Variants in PALM2AKAP2 observed in about 807,000 individuals in gnomAD.
PALM2AKAP2 encodes PALM2 and AKAP2 fusion.
Under a neutral mutation model 71.5 loss-of-function variants are expected in PALM2AKAP2, and 37 were observed. The observed-to-expected ratio is 0.52, with a 90% CI of 0.40 to 0.68. PALM2AKAP2 has a LOEUF of 0.68. Ranked by LOEUF, PALM2AKAP2 falls within the 30% of genes least tolerant of loss-of-function variation. The probability of loss-of-function intolerance (pLI) is 0.00; values close to 1 mark genes in which losing one functional copy is unlikely to be tolerated. For synonymous variants in PALM2AKAP2, 468 were observed against 478.8 expected (o/e 0.98, Z 0.29); for missense variants, 1,224 against 1,191.8 (o/e 1.03, Z -0.40).
At chr9:110,122,459 TG>T (rs1340046204) in intron 1 of PALM2AKAP2, among the ~76,000 whole-genome samples, 1 of 152,358 alleles carries the variant, frequency 6.6e-6, no homozygotes, top group East Asian at 1.9e-4. Context: ...GCCAGAGCTC[TG>T]TTCCTAACCA....
intron 6 of PALM2AKAP2, chr9:109,942,731 G>A: frequency 6.2e-7 from 1 of 1,609,882 alleles, no homozygotes; most frequent in Non-Finnish European, 8.5e-7. Flanking sequence ...AAACAAACAG[G>A]AGAGACCAAG....
chr9:110,164,957 G>T (rs1305055317), intron 3 of PALM2AKAP2, among the ~76,000 whole-genome samples: 2 of 152,136 alleles, frequency 1.3e-5, no homozygotes, highest in African/African-American at 4.8e-5. Context: ...CAGATAGTCT[G>T]GTGGCCTCAA....
intron 2 of PALM2AKAP2, among the ~76,000 whole-genome samples, chr9:109,873,662 G>A (rs868167635): frequency 1.3e-5 from 2 of 152,132 alleles, no homozygotes; most frequent in Admixed American, 1.3e-4. Context: ...TCTTATCTAT[G>A]TATGACATCA....
chr9:109,806,089 A>G (rs1029391579), intron 1 of PALM2AKAP2, among the ~76,000 whole-genome samples: 1 of 152,184 alleles, frequency 6.6e-6, no homozygotes, highest in Admixed American at 6.5e-5. Context: ...ACATGACTTT[A>G]TTATTTTTCC....
chr9:110,101,571 A>T (rs1182685403), intron 1 of PALM2AKAP2, among the ~76,000 whole-genome samples: 1 of 152,196 alleles, frequency 6.6e-6, no homozygotes, highest in African/African-American at 2.4e-5. Flanking sequence ...ATCTCCATGG[A>T]TAACCCAGGC....
At chr9:110,016,886 T>C (rs1361536397) in intron 7 of PALM2AKAP2, among the ~76,000 whole-genome samples, 1 of 152,226 alleles carries the variant, frequency 6.6e-6, no homozygotes, top group Non-Finnish European at 1.5e-5. Context: ...CTGGAGATAT[T>C]TCTTTTTTTT....
intron 1 of PALM2AKAP2, among the ~76,000 whole-genome samples, chr9:109,658,489 CAT>C (rs995955956): frequency 1.1e-4 from 17 of 152,270 alleles, no homozygotes; most frequent in African/African-American, 3.6e-4. Flanking sequence ...GAGTTTAGCA[CAT>C]GAGTGTCCGT....
intron 1 of PALM2AKAP2, among the ~76,000 whole-genome samples, chr9:109,743,397 A>G (rs1828748442): frequency 6.6e-6 from 1 of 152,158 alleles, no homozygotes; most frequent in African/African-American, 2.4e-5. Context: ...GAGCTGCATT[A>G]GAATTTAGAG....
chr9:110,065,817 G>A (rs1834067174), intron 1 of PALM2AKAP2, among the ~76,000 whole-genome samples: 1 of 152,106 alleles, frequency 6.6e-6, no homozygotes, highest in Admixed American at 6.6e-5. Flanking sequence ...TTGTCTTTCT[G>A]TGACTGGCTT....
chr9:109,979,648 G>A (rs2132188106), intron 6 of PALM2AKAP2, among the ~76,000 whole-genome samples: 1 of 152,212 alleles, frequency 6.6e-6, no homozygotes, highest in Non-Finnish European at 1.5e-5. Context: ...AGCACAATAG[G>A]TATTCAACAA....
chr9:110,003,033 C>T (rs976714565), intron 6 of PALM2AKAP2, among the ~76,000 whole-genome samples: 8 of 152,216 alleles, frequency 5.3e-5, no homozygotes, highest in Non-Finnish European at 8.8e-5. Flanking sequence ...CTATATCCTT[C>T]AGTTCTGCTC....
upstream of PALM2AKAP2, among the ~76,000 whole-genome samples, chr9:110,045,210 T>TGATG (rs1343738439): frequency 6.6e-6 from 1 of 152,192 alleles, no homozygotes; most frequent in African/African-American, 2.4e-5. Flanking sequence ...TTTGTGCCCT[T>TGATG]GATGGTATAG....
intron 1 of PALM2AKAP2, among the ~76,000 whole-genome samples, chr9:110,084,504 G>T (rs1407135139): frequency 6.6e-6 from 1 of 152,086 alleles, no homozygotes; most frequent in Admixed American, 6.6e-5. Flanking sequence ...TGGTAACTAT[G>T]GGGGGGTTGG....
At chr9:109,854,770 T>C (rs891931557) in intron 1 of PALM2AKAP2, among the ~76,000 whole-genome samples, 1 of 135,012 alleles carries the variant, frequency 7.4e-6, no homozygotes, top group Admixed American at 7.4e-5. Flanking sequence ...TATCTTTTTT[T>C]TTTTTTTTTT....
At chr9:109,843,216 C>A (rs1388914415) in intron 1 of PALM2AKAP2, among the ~76,000 whole-genome samples, 3 of 141,456 alleles carry the variant, frequency 2.1e-5, no homozygotes, top group Non-Finnish European at 4.5e-5. Flanking sequence ...TAAAGAGGAT[C>A]ACCTGAGCCC....
rs770201463 is a variant in PALM2AKAP2, at chr9:109,931,917, C to T, written c.395-10C>T. ...TGTGACTAATTGTATTCCCTGTTCT[C>T]TGCTACCAGATGCAGTAAATTACAT... is the stretch of plus-strand genomic sequence containing the variant. On this transcript the variant is annotated splice_polypyrimidine_tract_variant and intron_variant, in intron 5 of 9. Coordinates refer to the PALM2AKAP2 transcript ENST00000302798. 185 of 1,613,350 alleles carry T rather than the reference C, an allele frequency of 1.1e-4. No homozygotes were observed. Among genetic ancestry groups the T allele is most frequent in the Non-Finnish European group, 1.1e-4 (127 of 1,179,696 alleles).
chr9:110,109,590 C>A (rs1835197421), intron 1 of PALM2AKAP2, among the ~76,000 whole-genome samples: 1 of 152,160 alleles, frequency 6.6e-6, no homozygotes, highest in East Asian at 1.9e-4. Context: ...CTTGACATGT[C>A]TTCTAGAACT....
At chr9:110,112,168 G>A (rs1835267808) in intron 1 of PALM2AKAP2, among the ~76,000 whole-genome samples, 1 of 151,850 alleles carries the variant, frequency 6.6e-6, no homozygotes, top group African/African-American at 2.4e-5. Flanking sequence ...ACAGGTGGGA[G>A]ACACAGCCCT....
chr9:110,111,605 A>C (rs554211535), intron 1 of PALM2AKAP2, among the ~76,000 whole-genome samples: 2 of 152,364 alleles, frequency 1.3e-5, no homozygotes, highest in East Asian at 3.9e-4. Context: ...ATGAATTGCT[A>C]AGATGAGAAA....
Sources: gnomAD v4.1 joint callset for allele counts (sites outside exome capture counted in the v4.1 genomes callset) on GRCh38, gnomAD v4.1.1 for gene constraint, MANE v1.5 for transcripts, NCBI Gene and HGNC (gene_info 2026-07-23, HGNC 2026-07-21) for gene names.